Variants in DESI2 observed in about 807,000 individuals in gnomAD.
DESI2 encodes the protein deubiquitinase DESI2.
Under a neutral mutation model 24.1 loss-of-function variants are expected in DESI2, and 10 were observed. That is an observed-to-expected ratio of 0.41 (90% CI 0.26 to 0.70). DESI2 has a LOEUF of 0.70. Among genes scored for constraint, DESI2 ranks in the 30% least tolerant of loss-of-function variants. The pLI, the probability that DESI2 is intolerant of heterozygous loss-of-function variation, is 0.29. For synonymous variants in DESI2, 71 were observed against 87.7 expected (o/e 0.81, Z 1.06); for missense variants, 122 against 234.9 (o/e 0.52, Z 3.14).
chr1:244,687,613 G>A (rs1302594781), intron 2 of DESI2, among the ~76,000 whole-genome samples: 1 of 152,152 alleles, frequency 6.6e-6, no homozygotes, highest in African/African-American at 2.4e-5. Context: ...TGTCAGTATG[G>A]TGGTTATACT....
chr1:244,688,619 A>G (rs1676903625), intron 2 of DESI2, among the ~76,000 whole-genome samples: 1 of 152,218 alleles, frequency 6.6e-6, no homozygotes, highest in African/African-American at 2.4e-5. Flanking sequence ...CAGAGTTTGT[A>G]TCTGATGTAC....
At chr1:244,676,762 A>T (rs987353258) in intron 1 of DESI2, among the ~76,000 whole-genome samples, 1 of 148,410 alleles carries the variant, frequency 6.7e-6, no homozygotes, top group Non-Finnish European at 1.5e-5. Context: ...GATTTTAAAA[A>T]TATATACAAT....
intron 1 of DESI2, among the ~76,000 whole-genome samples, chr1:244,683,602 C>T (rs563525649): frequency 7.9e-5 from 12 of 152,162 alleles, no homozygotes; most frequent in East Asian, 1.9e-4. Context: ...TGAGCCACCG[C>T]GCCCAGCCTT....
chr1:244,675,110 A>G (rs1363263160), intron 1 of DESI2, among the ~76,000 whole-genome samples: 1 of 152,068 alleles, frequency 6.6e-6, no homozygotes, highest in African/African-American at 2.4e-5. Flanking sequence ...TAGAAGAAAT[A>G]CTTTTTTTTA....
intron 1 of DESI2, among the ~76,000 whole-genome samples, chr1:244,671,725 G>A (rs1255857926): frequency 6.6e-6 from 1 of 152,044 alleles, no homozygotes; most frequent in African/African-American, 2.4e-5. Context: ...AGCTTGTTTT[G>A]TTTGTCTTTT....
At chr1:244,665,164 T>C (rs937134266) in intron 1 of DESI2, among the ~76,000 whole-genome samples, 8 of 151,872 alleles carry the variant, frequency 5.3e-5, no homozygotes, top group Non-Finnish European at 1.0e-4. Context: ...TATTAATACC[T>C]GATTTTTTTT....
chr1:244,692,583 C>A (rs963096661), intron 4 of DESI2, among the ~76,000 whole-genome samples: 1 of 152,166 alleles, frequency 6.6e-6, no homozygotes, highest in African/African-American at 2.4e-5. Flanking sequence ...GCACTTGAAG[C>A]AGCTTCCCAG....
chr1:244,663,306 A>G (rs1240671039), intron 1 of DESI2, among the ~76,000 whole-genome samples: 1 of 151,620 alleles, frequency 6.6e-6, no homozygotes, highest in Non-Finnish European at 1.5e-5. Context: ...TCTTCTGAGT[A>G]GCTGGGACTA....
At chr1:244,669,643 A>T (rs1439164479) in intron 1 of DESI2, among the ~76,000 whole-genome samples, 4 of 151,902 alleles carry the variant, frequency 2.6e-5, no homozygotes, top group African/African-American at 9.7e-5. Flanking sequence ...GCACCATTAC[A>T]CTCCAGTCTG....
intron 1 of DESI2, among the ~76,000 whole-genome samples, chr1:244,659,885 G>C (rs1312704829): frequency 6.6e-6 from 1 of 152,090 alleles, no homozygotes; most frequent in Non-Finnish European, 1.5e-5. Flanking sequence ...CACTCGACTT[G>C]GCATAGAATA....
intron 1 of DESI2, among the ~76,000 whole-genome samples, chr1:244,678,090 A>G (rs577639298): frequency 2.6e-5 from 4 of 152,320 alleles, no homozygotes; most frequent in African/African-American, 4.8e-5. Flanking sequence ...TCAACTTTCT[A>G]TCTGAGAGTG....
At chr1:244,704,048 C>T (rs1481986731) in intron 4 of DESI2, among the ~76,000 whole-genome samples, 2 of 152,162 alleles carry the variant, frequency 1.3e-5, no homozygotes, top group East Asian at 3.9e-4. Flanking sequence ...GCTACCTTCC[C>T]TCAAGTGAGA....
chr1:244,676,828 C>G (rs2148795843), intron 1 of DESI2, among the ~76,000 whole-genome samples: 1 of 146,556 alleles, frequency 6.8e-6, no homozygotes, highest in South Asian at 2.1e-4. Context: ...ATATATATAT[C>G]ATGAAAGGGT....
In DESI2 at chr1:244,656,935, C is replaced by T. The variant is rs577271860; in HGVS notation, c.42+3580C>T. ...GATTACAGGCACCTGCCATCATGCC[C>T]GGCTAATTTTTGTATTTTTGTAGAG... is the stretch of plus-strand genomic sequence containing the variant. On this transcript the variant is annotated intron_variant, in intron 1 of 4. Coordinates refer to ENST00000302550, the MANE Select transcript of DESI2 (RefSeq NM_016076.5). 3.9e-5 allele frequency among the ~76,000 whole-genome samples: 6 copies of T among 152,188 alleles called. No homozygotes were observed. The East Asian group carries it at 5.8e-4, about 15-fold the overall frequency.
At chr1:244,684,639 C>T (rs979429438) in intron 1 of DESI2, among the ~76,000 whole-genome samples, 4 of 151,420 alleles carry the variant, frequency 2.6e-5, no homozygotes, top group African/African-American at 7.3e-5. Flanking sequence ...CAACCTTATT[C>T]TTTTTTTGAT....
chr1:244,686,283 TG>T (rs1676818140), intron 1 of DESI2, among the ~76,000 whole-genome samples: 2 of 151,918 alleles, frequency 1.3e-5, no homozygotes, highest in South Asian at 4.2e-4. Flanking sequence ...TGTGTGTGTG[TG>T]TAAGTCACTA....
chr1:244,659,497 TC>T (rs1215610089), intron 1 of DESI2, among the ~76,000 whole-genome samples: 2 of 152,186 alleles, frequency 1.3e-5, no homozygotes, highest in Admixed American at 6.5e-5. Flanking sequence ...TCCCATTCCT[TC>T]CTGCTGTCAG....
At chr1:244,653,893 C>T (rs1235752192) in intron 1 of DESI2, 6 of 470,580 alleles carry the variant, frequency 1.3e-5, no homozygotes, top group Non-Finnish European at 2.6e-5. Context: ...GCCAACACAC[C>T]CTTTCCTTGT....
At chr1:244,664,281 C>T (rs763739534) in intron 1 of DESI2, among the ~76,000 whole-genome samples, 15 of 152,012 alleles carry the variant, frequency 9.9e-5, no homozygotes, top group Non-Finnish European at 1.8e-4. Flanking sequence ...TATAGAAGGA[C>T]GTGTGTTGTA....
Sources: allele counts gnomAD v4.1 joint callset (sites outside exome capture counted in the v4.1 genomes callset), GRCh38; gene constraint gnomAD v4.1.1; transcripts MANE v1.5; gene names NCBI Gene and HGNC (gene_info 2026-07-23, HGNC 2026-07-21).